Variants in ETV6 observed in about 807,000 individuals in gnomAD.
The protein encoded by ETV6 is transcription factor ETV6.
Under a neutral mutation model 51.1 loss-of-function variants are expected in ETV6, and 16 were observed. The observed-to-expected ratio is 0.31, with a 90% CI of 0.21 to 0.48. The LOEUF (loss-of-function observed/expected upper bound fraction) is 0.48. Ranked by LOEUF, ETV6 falls within the 20% of genes least tolerant of loss-of-function variation. ETV6 has a pLI of 0.99. For synonymous variants in ETV6, 240 were observed against 224.1 expected, an observed-to-expected ratio of 1.07 and a Z score of -0.64; for missense variants, 458 against 594.8, an observed-to-expected ratio of 0.77 and a Z score of 2.39.
rs374289492 is a variant in ETV6, at chr12:11,800,492, A to G, written c.164-38648A>G. On this transcript the variant is annotated intron_variant, in intron 2 of 7. Transcript: ENST00000396373. ...TTAACCATAATCACCGTGTTATACAACAGATCTCCTGAGCTTATTCCTCCC... is the reference window on the plus strand; with the variant it reads ...TTAACCATAATCACCGTGTTATACAGCAGATCTCCTGAGCTTATTCCTCCC... 3.3e-5 allele frequency among the ~76,000 whole-genome samples: 5 copies of G among 152,136 alleles called. No individual in the cohort carries two copies. In the East Asian group the frequency reaches 9.6e-4, roughly 29 times the overall value.
intron 1 of ETV6, among the ~76,000 whole-genome samples, chr12:11,729,630 C>G (rs1307569852): frequency 6.6e-6 from 1 of 152,186 alleles, no homozygotes; most frequent in Non-Finnish European, 1.5e-5. Context: ...CTCAGTTTGA[C>G]TGACTCATAC....
chr12:11,674,503 T>C (rs748215155), intron 1 of ETV6, among the ~76,000 whole-genome samples: 1 of 151,912 alleles, frequency 6.6e-6, no homozygotes, highest in Non-Finnish European at 1.5e-5. Context: ...TTTAATATAA[T>C]GAATATATGC....
chr12:11,847,118 C>A (rs1047237497), intron 3 of ETV6, among the ~76,000 whole-genome samples: 1 of 152,058 alleles, frequency 6.6e-6, no homozygotes, highest in Non-Finnish European at 1.5e-5. Context: ...TAAGGTGAGG[C>A]CCACTGAGAG....
At chr12:11,790,649 C>T (rs1307466116) in intron 2 of ETV6, among the ~76,000 whole-genome samples, 1 of 151,022 alleles carries the variant, frequency 6.6e-6, no homozygotes, top group African/African-American at 2.4e-5. Context: ...CCGTTAATTC[C>T]ACCTAGTCAT....
intron 1 of ETV6, among the ~76,000 whole-genome samples, chr12:11,717,567 A>G (rs1282263819): frequency 9.2e-5 from 14 of 152,218 alleles, no homozygotes; most frequent in African/African-American, 3.1e-4. Context: ...GTCCATCTCT[A>G]GCTGTCATGT....
chr12:11,703,282 C>A (rs1865016174), intron 1 of ETV6, among the ~76,000 whole-genome samples: 2 of 150,676 alleles, frequency 1.3e-5, no homozygotes, highest in South Asian at 4.1e-4. Flanking sequence ...CAAAGAAAAT[C>A]ATCTTTTGTT....
At chr12:11,763,481 C>T (rs1283727197) in intron 2 of ETV6, among the ~76,000 whole-genome samples, 1 of 152,140 alleles carries the variant, frequency 6.6e-6, no homozygotes. Flanking sequence ...CTGAGAGGAG[C>T]TTCAGAGACC....
At chr12:11,838,910 T>C (rs1208690425) in intron 2 of ETV6, among the ~76,000 whole-genome samples, 1 of 152,224 alleles carries the variant, frequency 6.6e-6, no homozygotes, top group Non-Finnish European at 1.5e-5. Flanking sequence ...TAGGGTTTGG[T>C]GTACAAACTG....
chr12:11,747,719 G>A (rs117751820), intron 1 of ETV6, among the ~76,000 whole-genome samples: 11 of 152,116 alleles, frequency 7.2e-5, no homozygotes, highest in Non-Finnish European at 1.6e-4. Flanking sequence ...ATTACTTTAG[G>A]TTCTTGTGTA....
intron 1 of ETV6, among the ~76,000 whole-genome samples, chr12:11,737,756 C>T (rs1033701284): frequency 1.3e-5 from 2 of 152,126 alleles, no homozygotes; most frequent in Non-Finnish European, 2.9e-5. Context: ...TTTGTATGGC[C>T]TTTTTCATGT....
At chr12:11,852,480 C>G (rs1364975858) in intron 3 of ETV6, among the ~76,000 whole-genome samples, 1 of 152,098 alleles carries the variant, frequency 6.6e-6, no homozygotes, top group Non-Finnish European at 1.5e-5. Flanking sequence ...TTATTCTTTT[C>G]CCGTCTAGGA....
intron 1 of ETV6, among the ~76,000 whole-genome samples, chr12:11,660,599 A>AAG (rs1355632847): frequency 0.017 from 38 of 2,302 alleles, no homozygotes; most frequent in African/African-American, 0.04. Flanking sequence ...ACTCTGTCTC[A>AAG]AAAAAAAAAA....
chr12:11,847,428 A>C (rs1163185745), intron 3 of ETV6, among the ~76,000 whole-genome samples: 1 of 152,190 alleles, frequency 6.6e-6, no homozygotes, highest in Non-Finnish European at 1.5e-5. Context: ...GAGCCGATTG[A>C]AGCCATGGGA....
intron 1 of ETV6, among the ~76,000 whole-genome samples, chr12:11,658,791 TG>T (rs548322609): frequency 3.4e-4 from 52 of 152,366 alleles, no homozygotes; most frequent in Admixed American, 2.7e-3. Context: ...AAATGCCTTT[TG>T]CATCTTACAG....
At chr12:11,878,895 T>C (rs74060901) in intron 5 of ETV6, among the ~76,000 whole-genome samples, 6,179 of 149,730 alleles carry the variant, frequency 0.041, 439 homozygotes, top group African/African-American at 0.14. Context: ...CTAAGCAGGG[T>C]TTCTCAACAC....
rs983779609 is a variant in ETV6 at position 11,894,140 on chromosome 12, T to C, written c.*3094T>C. ...GGACACTGAGGGACCCAAAGCTCAA[T>C]CAGCCATAATCCCTGCTTTCAGAGT... On this transcript the variant is annotated 3_prime_UTR_variant, in exon 8 of 8. Coordinates refer to ENST00000396373, the MANE Select transcript of ETV6 (RefSeq NM_001987.5). 1.1e-4 allele frequency: 26 copies of C among 230,966 alleles called. No homozygotes were observed. Among genetic ancestry groups the C allele is most frequent in the African/African-American group, 5.5e-4 (25 of 45,192 alleles). 14.3% of individuals were successfully genotyped at this position (230,966 alleles called of 1,614,324 possible).
intron 2 of ETV6, among the ~76,000 whole-genome samples, chr12:11,815,379 C>A (rs374738169): frequency 6.6e-6 from 1 of 152,190 alleles, no homozygotes; most frequent in African/African-American, 2.4e-5. Context: ...ATAGGATCAC[C>A]CTGCAAGGCA....
chr12:11,816,529 A>C (rs1209157194), intron 2 of ETV6, among the ~76,000 whole-genome samples: 1 of 152,218 alleles, frequency 6.6e-6, no homozygotes, highest in Non-Finnish European at 1.5e-5. Context: ...TACAGGTGTG[A>C]GCCACTGCGC....
At chr12:11,652,308 A>G (rs555287742) in intron 1 of ETV6, among the ~76,000 whole-genome samples, 3 of 152,346 alleles carry the variant, frequency 2.0e-5, no homozygotes, top group Admixed American at 6.5e-5. Context: ...CAGTGTTCCA[A>G]TAATAAGCAC....
Sources: gnomAD v4.1 joint callset for allele counts (sites outside exome capture counted in the v4.1 genomes callset) on GRCh38, gnomAD v4.1.1 for gene constraint, MANE v1.5 for transcripts, NCBI Gene and HGNC (gene_info 2026-07-23, HGNC 2026-07-21) for gene names.